Variants in LRP5 observed in about 807,000 individuals in gnomAD.
LRP5 encodes the protein low-density lipoprotein receptor-related protein 5.
A neutral mutation model predicts 154.1 loss-of-function variants in LRP5; 62 were observed. That is an observed-to-expected ratio of 0.40 (90% CI 0.33 to 0.50). The LOEUF is 0.50. Among genes scored for constraint, LRP5 ranks in the 20% least tolerant of loss-of-function variants. LRP5 has a pLI of 0.55. For synonymous variants in LRP5, 966 were observed against 1,011.5 expected (o/e 0.96, Z 0.85); for missense variants, 1,915 against 2,336.7 (o/e 0.82, Z 3.72).
At chr11:68,314,054 G>A (rs986336501) in intron 1 of LRP5, among the ~76,000 whole-genome samples, 1 of 152,190 alleles carries the variant, frequency 6.6e-6, no homozygotes, top group African/African-American at 2.4e-5. Flanking sequence ...TTACATTGTG[G>A]GGCCTTGTCT....
At chr11:68,327,168 C>A (rs2098600188) in intron 1 of LRP5, among the ~76,000 whole-genome samples, 1 of 152,256 alleles carries the variant, frequency 6.6e-6, no homozygotes, top group African/African-American at 2.4e-5. Flanking sequence ...CTCCCAGGCT[C>A]CCCCTCCAAA....
At chr11:68,354,289 T>C (rs1183731436) in intron 2 of LRP5, among the ~76,000 whole-genome samples, 1 of 152,198 alleles carries the variant, frequency 6.6e-6, no homozygotes, top group African/African-American at 2.4e-5. Flanking sequence ...CGCCAACCAG[T>C]CTCTGGTCAC....
chr11:68,370,124 G>T (rs1001924131), intron 5 of LRP5, among the ~76,000 whole-genome samples: 1 of 152,126 alleles, frequency 6.6e-6, no homozygotes, highest in Non-Finnish European at 1.5e-5. Flanking sequence ...AAGGGGCGTT[G>T]ATTTCTTTCC....
rs927637286 is a variant in LRP5 at position 68,348,236 on chromosome 11, G to A, written c.481G>A (p.Ala161Thr). Residue 161 changes from alanine to threonine, a missense_variant, in exon 2 of 23, where the codon GCT (alanine) becomes ACT (threonine). Physicochemically the swap from Ala to Thr is moderately conservative, Grantham distance 58. Coordinates refer to ENST00000294304, the MANE Select transcript of LRP5 (RefSeq NM_002335.4). ...DQPRAIALDP[A>T]HGYMYWTDWG... ...GCCGAGGGCCATCGCCTTGGACCCC[G>A]CTCACGGGTAAACCCTGCTGCGACT... 10 of 1,605,302 alleles carry A rather than the reference G, an allele frequency of 6.2e-6. No homozygotes were observed. Among genetic ancestry groups the A allele is most frequent in the Admixed American group, 5.0e-5 (3 of 60,014 alleles).
intron 1 of LRP5, 147 bp downstream of exon 1, chr11:68,312,952 T>A: frequency 3.9e-6 from 1 of 254,510 alleles, no homozygotes; most frequent in Non-Finnish European, 6.2e-6. Context: ...GGGATCCCCC[T>A]GCCGTCCCCG....
intron 11 of LRP5, among the ~76,000 whole-genome samples, chr11:68,412,663 G>C (rs1042256211): frequency 1.6e-4 from 24 of 151,446 alleles, no homozygotes; most frequent in African/African-American, 5.6e-4. Context: ...AAAAGAAGAA[G>C]AAAAAGAAGC....
chr11:68,437,353 G>T (rs1445856105), intron 19 of LRP5, among the ~76,000 whole-genome samples: 1 of 152,254 alleles, frequency 6.6e-6, no homozygotes, highest in Non-Finnish European at 1.5e-5. Context: ...TTACTGTCTG[G>T]CTGAGGAGGA....
intron 20 of LRP5, among the ~76,000 whole-genome samples, chr11:68,439,121 A>C (rs945421073): frequency 1.3e-4 from 20 of 152,230 alleles, no homozygotes; most frequent in African/African-American, 4.1e-4. Flanking sequence ...CCCAGGCACC[A>C]GGAACGCAGG....
At chr11:68,433,859 G>A in intron 18 of LRP5, 21 bp downstream of exon 18, 1 of 1,604,610 alleles carries the variant, frequency 6.2e-7, no homozygotes, top group Non-Finnish European at 8.5e-7. Context: ...CCCCGTCAAG[G>A]CTCTGCCAAG....
chr11:68,376,307 G>A (rs1232929442), intron 5 of LRP5, among the ~76,000 whole-genome samples: 6 of 151,384 alleles, frequency 4.0e-5, no homozygotes, highest in Non-Finnish European at 7.4e-5. Flanking sequence ...TCAGCCTCCC[G>A]AGTAGCTTGG....
At chr11:68,370,298 A>G (rs2098633325) in intron 5 of LRP5, among the ~76,000 whole-genome samples, 1 of 151,974 alleles carries the variant, frequency 6.6e-6, no homozygotes, top group Admixed American at 6.5e-5. Context: ...CCCAGTCTCC[A>G]TGTCCAGGCC....
intron 1 of LRP5, among the ~76,000 whole-genome samples, chr11:68,316,412 C>T (rs531597420): frequency 1.2e-4 from 19 of 152,202 alleles, no homozygotes; most frequent in Non-Finnish European, 2.4e-4. Context: ...GCTTGCATTA[C>T]AGGTGCCCGC....
At chr11:68,367,712 A>T (rs2098631844) in intron 5 of LRP5, among the ~76,000 whole-genome samples, 1 of 152,164 alleles carries the variant, frequency 6.6e-6, no homozygotes, top group South Asian at 2.1e-4. Flanking sequence ...TGGCCACCAC[A>T]GTCAGGGCCG....
Position 68,443,572 on chromosome 11 carries a change from TATATATA to T in LRP5, c.4489-2863_4489-2857del, listed in dbSNP as rs1565122164. On this transcript the variant is annotated intron_variant, in intron 21 of 22. Transcript: ENST00000294304. Reference sequence around the variant, plus strand: ...ATATATATATATATATATATATATATATATATATATATATTTTTTTTTTTTTTGGTTA... The same window carrying T: ...ATATATATATATATATATATATATATTATATATTTTTTTTTTTTTTGGTTA... 3.5e-3 allele frequency among the ~76,000 whole-genome samples: 157 copies of T among 44,350 alleles called. 1 individual carries two copies. Among genetic ancestry groups the T allele is most frequent in the Non-Finnish European group, 4.8e-3 (115 of 23,890 alleles). 29.1% of individuals were successfully genotyped at this position (44,350 alleles called of 152,430 possible). A position where few individuals can be genotyped will look rare whatever the true frequency, so the allele number is the denominator to read the frequency against.
chr11:68,358,065 G>A (rs545804400), intron 3 of LRP5, among the ~76,000 whole-genome samples: 1 of 152,006 alleles, frequency 6.6e-6, no homozygotes, highest in African/African-American at 2.4e-5. Flanking sequence ...TTCATTCTAA[G>A]TAGGGCAGAA....
Position 68,370,828 on chromosome 11 carries a change from G to A in LRP5, c.1015+5126G>A, listed in dbSNP as rs567577538. 2.0e-5 allele frequency among the ~76,000 whole-genome samples: 3 copies of A among 152,348 alleles called. No individual in the cohort carries two copies. The South Asian group carries it at 6.2e-4, about 32-fold the overall frequency. ...TCCACATGCAGCCAGTGTGGGGACT[G>A]TTTTACTCTGAGCCTGAATCTTTCT... On this transcript the variant is annotated intron_variant, in intron 5 of 22. Transcript: ENST00000294304.
the LRP5 span, among the ~76,000 whole-genome samples, chr11:68,302,387 C>T: frequency 1.3e-3 from 195 of 151,488 alleles, 1 homozygote; most frequent in African/African-American, 4.5e-3. Context: ...GTGACAAGCC[C>T]GGTCCTGGGG....
chr11:68,348,296 C>T lies in LRP5; in HGVS notation c.488+53C>T, dbSNP rs643981. ...TCCAGGGGGCGGGGAGTGTCACCAT[C>T]TCTCTCTCGAATTTGCATGAGCCCA... On this transcript the variant is annotated intron_variant, in intron 2 of 22. Transcript: ENST00000294304. 0.4 allele frequency: 642,396 copies of T among 1,593,926 alleles called. 139,080 individuals carry two copies. The highest frequency in any genetic ancestry group is 0.7 in the African/African-American group (52,641 of 74,902).
intron 21 of LRP5, among the ~76,000 whole-genome samples, chr11:68,443,698 G>A (rs1349770855): frequency 7.1e-6 from 1 of 141,320 alleles, no homozygotes; most frequent in Non-Finnish European, 1.5e-5. Flanking sequence ...TGCTCCTGTT[G>A]CCCAGGCTGG....
Sources: gnomAD v4.1 joint callset for allele counts (sites outside exome capture counted in the v4.1 genomes callset) on GRCh38, gnomAD v4.1.1 for gene constraint, MANE v1.5 for transcripts, NCBI Gene and HGNC (gene_info 2026-07-23, HGNC 2026-07-21) for gene names.